RBM47: variants seen among roughly 807,000 people sequenced by gnomAD.
RBM47 encodes RNA-binding protein 47.
RBM47 carries 21 observed loss-of-function variants against 47.1 expected under a neutral mutation model. That is an observed-to-expected ratio of 0.45 (90% CI 0.32 to 0.64). The LOEUF (loss-of-function observed/expected upper bound fraction) is 0.64, where lower values mean the gene tolerates loss of function less well. Ranked by LOEUF, RBM47 falls within the 30% of genes least tolerant of loss-of-function variation. The pLI is 0.05. For missense variants in RBM47, 708 were observed against 870.9 expected (o/e 0.81, Z 2.35); for synonymous variants, 375 against 361.7 (o/e 1.04, Z -0.42).
chr4:40,577,540 A>T (rs922428625), intron 1 of RBM47, among the ~76,000 whole-genome samples: 4 of 140,830 alleles, frequency 2.8e-5, no homozygotes, highest in Admixed American at 2.2e-4. Flanking sequence ...GATTCTGTTT[A>T]AAAAAAAAAA....
chr4:40,605,940 T>C (rs78377819), intron 1 of RBM47, among the ~76,000 whole-genome samples: 2,903 of 149,866 alleles, frequency 0.019, 99 homozygotes, highest in East Asian at 0.15. Flanking sequence ...TAAAGAAAAA[T>C]ATTACCCAGC....
intron 2 of RBM47, among the ~76,000 whole-genome samples, chr4:40,497,689 C>T (rs1377444519): frequency 6.6e-6 from 1 of 151,260 alleles, no homozygotes; most frequent in East Asian, 1.9e-4. Context: ...AGTAAGCCTC[C>T]CTGGCCAGGC....
intron 2 of RBM47, among the ~76,000 whole-genome samples, chr4:40,525,771 G>C (rs1281982555): frequency 1.3e-5 from 2 of 152,182 alleles, no homozygotes; most frequent in Admixed American, 1.3e-4. Context: ...AAGGAGATTT[G>C]GGAAGCTCCA....
chr4:40,619,290 T>A (rs1017627451), intron 1 of RBM47, among the ~76,000 whole-genome samples: 2 of 151,964 alleles, frequency 1.3e-5, no homozygotes, highest in African/African-American at 4.8e-5. Context: ...ATTAGCTGAG[T>A]ATGATTGTGT....
intron 2 of RBM47, among the ~76,000 whole-genome samples, chr4:40,535,221 A>G (rs1727823099): frequency 6.6e-6 from 1 of 152,096 alleles, no homozygotes; most frequent in African/African-American, 2.4e-5. Flanking sequence ...TAAGACCTCT[A>G]GGGTTCCTTA....
chr4:40,614,165 G>A (rs1736490638), intron 1 of RBM47, among the ~76,000 whole-genome samples: 1 of 152,142 alleles, frequency 6.6e-6, no homozygotes, highest in African/African-American at 2.4e-5. Flanking sequence ...AACTTTGTAA[G>A]ATTTGGAACG....
chr4:40,469,960 C>T (rs1251405828), intron 2 of RBM47, among the ~76,000 whole-genome samples: 1 of 152,042 alleles, frequency 6.6e-6, no homozygotes, highest in Admixed American at 6.6e-5. Flanking sequence ...GTTATGTTTG[C>T]CATAAAAATC....
chr4:40,498,346 C>A (rs1280452223), intron 2 of RBM47, among the ~76,000 whole-genome samples: 1 of 151,848 alleles, frequency 6.6e-6, no homozygotes, highest in Non-Finnish European at 1.5e-5. Flanking sequence ...TTTAGGAATT[C>A]CTCTTGGGAA....
In RBM47 at chr4:40,570,138, A is replaced by G. The variant is rs1323982098; in HGVS notation, c.-239-25632T>C. Among the ~76,000 whole-genome samples the G allele has an allele frequency of 5.9e-5, 9 of 152,134 alleles. No homozygotes were observed. The East Asian group carries it at 1.7e-3, about 29-fold the overall frequency. On this transcript the variant is annotated intron_variant, in intron 1 of 6. Coordinates refer to ENST00000295971, the MANE Select transcript of RBM47 (RefSeq NM_001098634.2). ...TTGGCACCAGGGACCGGTTTCATGG[A>G]AGACAATTTTTCCATGGTGGATAGG...
intron 1 of RBM47, among the ~76,000 whole-genome samples, chr4:40,548,094 G>A (rs911276035): frequency 8.5e-5 from 13 of 152,260 alleles, no homozygotes; most frequent in Admixed American, 5.2e-4. Context: ...ATAAAACAAC[G>A]TGACACCAGC....
At chr4:40,512,789 A>G (rs927303639) in intron 2 of RBM47, among the ~76,000 whole-genome samples, 2 of 152,088 alleles carry the variant, frequency 1.3e-5, no homozygotes, top group African/African-American at 4.8e-5. Context: ...CTTTTAATGC[A>G]TGAATTATTT....
At chr4:40,523,863 C>CA (rs34640118) in intron 2 of RBM47, among the ~76,000 whole-genome samples, 56,005 of 132,920 alleles carry the variant, frequency 0.42, 14,483 homozygotes, top group African/African-American at 0.76. Flanking sequence ...AGCCCTGTCT[C>CA]AAAAAAAAAA....
chr4:40,512,631 C>T (rs1725084299), intron 2 of RBM47, among the ~76,000 whole-genome samples: 1 of 149,002 alleles, frequency 6.7e-6, no homozygotes, highest in Non-Finnish European at 1.5e-5. Flanking sequence ...GGGAGAATCA[C>T]TTGAACCCCG....
chr4:40,536,829 A>G (rs913999041), intron 2 of RBM47, among the ~76,000 whole-genome samples: 17 of 151,880 alleles, frequency 1.1e-4, no homozygotes, highest in African/African-American at 3.9e-4. Flanking sequence ...AGGTTCAAGC[A>G]ATTCTCCTGC....
At chr4:40,426,567 TCTCA>T (rs959698098) in intron 6 of RBM47, among the ~76,000 whole-genome samples, 34 of 152,222 alleles carry the variant, frequency 2.2e-4, no homozygotes, top group Admixed American at 9.2e-4. Flanking sequence ...AGAGACAAGG[TCTCA>T]CTATGTTGCC....
At chr4:40,434,523 T>C (rs912916854) in intron 5 of RBM47, among the ~76,000 whole-genome samples, 7 of 152,112 alleles carry the variant, frequency 4.6e-5, no homozygotes, top group Non-Finnish European at 7.4e-5. Context: ...TACCGTAACT[T>C]GCCAAAGGGA....
chr4:40,569,884 G>T (rs1264073550), intron 1 of RBM47, among the ~76,000 whole-genome samples: 1 of 150,676 alleles, frequency 6.6e-6, no homozygotes, highest in Non-Finnish European at 1.5e-5. Flanking sequence ...GCTAATTTTT[G>T]TATTTTTAGT....
Position 40,573,801 on chromosome 4 carries a change from G to GAA in RBM47, c.-239-29297_-239-29296dup, listed in dbSNP as rs1481292895. On this transcript the variant is annotated intron_variant, in intron 1 of 6. Coordinates refer to ENST00000295971, the MANE Select transcript of RBM47 (RefSeq NM_001098634.2). ...AGAAAGAAAGAGAGAGAGAGAGAAA[G>GAA]AAAGAAAAAGAAAGAAAGAAAGAAA... Among the ~76,000 whole-genome samples the GAA allele has an allele frequency of 3.3e-3, 342 of 102,700 alleles. 4 individuals carry two copies. Among genetic ancestry groups the GAA allele is most frequent in the African/African-American group, 0.019 (328 of 16,840 alleles). The allele number at this position is 102,700 out of a possible 152,430, so 67.4% of individuals were successfully genotyped here.
rs993715206 is a variant in RBM47 at position 40,593,816 on chromosome 4, A to G, written c.-240+35580T>C. Among the ~76,000 whole-genome samples the G allele has an allele frequency of 1.9e-4, 29 of 151,606 alleles. No individual in the cohort carries two copies. The East Asian group carries it at 1.9e-3, about 10-fold the overall frequency. On this transcript the variant is annotated intron_variant, in intron 1 of 6. Transcript: ENST00000295971. ...GGAGAATGGCGCGAACCTGGGAGGC[A>G]GAGCTTGCAGTGAGCCGAGATCGCG...
Sources: gnomAD v4.1 joint callset for allele counts (sites outside exome capture counted in the v4.1 genomes callset) on GRCh38, gnomAD v4.1.1 for gene constraint, MANE v1.5 for transcripts, NCBI Gene and HGNC (gene_info 2026-07-23, HGNC 2026-07-21) for gene names.